The following TBC1D22A variants were observed in gnomAD, a reference collection of about 807,000 sequenced individuals.
TBC1D22A encodes the protein TBC1 domain family member 22A, also known as putative GTPase activator.
Under a neutral mutation model 60.2 loss-of-function variants are expected in TBC1D22A, and 38 were observed. The ratio of observed to expected loss-of-function variants is 0.63; its 90% CI spans 0.49 to 0.83. TBC1D22A has a LOEUF of 0.83. Ranked by LOEUF, TBC1D22A falls within the 40% of genes least tolerant of loss-of-function variation. The pLI is 0.00. For synonymous variants in TBC1D22A, 302 were observed against 281.7 expected, an observed-to-expected ratio of 1.07 and a Z score of -0.72; for missense variants, 628 against 701.0, an observed-to-expected ratio of 0.90 and a Z score of 1.18.
rs200451920 is a variant in TBC1D22A at position 46,904,228 on chromosome 22, A to AT, written c.901-7845dup. ...CTCAATGCGGTTTTTTGAAAAAAGA[A>AT]TAAAAAAAAAGGTACGATTATTTGA... On this transcript the variant is annotated intron_variant, in intron 7 of 12. Transcript: ENST00000337137. Among the ~76,000 whole-genome samples, 1,064 of 119,344 alleles carry AT rather than the reference A, an allele frequency of 8.9e-3. 20 individuals carry two copies. Among genetic ancestry groups the AT allele is most frequent in the African/African-American group, 0.048 (1,013 of 21,264 alleles). 78.3% of individuals were successfully genotyped at this position (119,344 alleles called of 152,430 possible). A position where few individuals can be genotyped will look rare whatever the true frequency, so the allele number is the denominator to read the frequency against.
intron 12 of TBC1D22A, among the ~76,000 whole-genome samples, chr22:47,140,187 C>G (rs775818271): frequency 2.6e-5 from 4 of 151,870 alleles, no homozygotes; most frequent in Non-Finnish European, 5.9e-5. Context: ...TCACATTGCT[C>G]AGGCTCTGAA....
chr22:46,835,210 T>C (rs1017721552), intron 4 of TBC1D22A, among the ~76,000 whole-genome samples: 4 of 152,166 alleles, frequency 2.6e-5, no homozygotes, highest in Non-Finnish European at 5.9e-5. Context: ...AATGCAAGAC[T>C]TAACATGAAA....
intron 12 of TBC1D22A, among the ~76,000 whole-genome samples, chr22:47,165,430 G>T (rs1178171867): frequency 6.6e-6 from 1 of 152,180 alleles, no homozygotes; most frequent in African/African-American, 2.4e-5. Context: ...CTCGCCTGGG[G>T]GTGGCTCCCC....
intron 10 of TBC1D22A, among the ~76,000 whole-genome samples, chr22:47,007,801 G>A (rs1012765253): frequency 1.3e-5 from 2 of 152,102 alleles, no homozygotes; most frequent in African/African-American, 2.4e-5. Flanking sequence ...CCTCACAATC[G>A]CATTTAATCT....
chr22:46,786,666 A>G (rs945118421), intron 1 of TBC1D22A, among the ~76,000 whole-genome samples: 2 of 152,092 alleles, frequency 1.3e-5, no homozygotes, highest in East Asian at 3.9e-4. Context: ...TAGTGTTTTG[A>G]TTACTAATTT....
At chr22:46,771,950 T>TA (rs2083492969) in intron 1 of TBC1D22A, among the ~76,000 whole-genome samples, 1 of 152,040 alleles carries the variant, frequency 6.6e-6, no homozygotes, top group Non-Finnish European at 1.5e-5. Flanking sequence ...ATTCCTGAGT[T>TA]ACTTTACCCA....
chr22:47,037,047 G>C (rs753756019), intron 10 of TBC1D22A, 24 bp from the exon 11 acceptor site: 4 of 1,612,566 alleles, frequency 2.5e-6, no homozygotes, highest in Non-Finnish European at 3.4e-6. Flanking sequence ...TGACAGCCTT[G>C]GGGCCTGTGT....
rs2083874945 is a variant in TBC1D22A, at chr22:46,780,096, T to G, written c.63-12424T>G. ...TACTTCTGAATATATTTTATAAATC[T>G]GGGGAGTATCACCATGTGTTAGAAT... On this transcript the variant is annotated intron_variant, in intron 1 of 12. Coordinates refer to ENST00000337137, the MANE Select transcript of TBC1D22A (RefSeq NM_014346.5). Among the ~76,000 whole-genome samples the G allele has an allele frequency of 2.0e-5, 3 of 152,254 alleles. No individual in the cohort carries two copies. In the South Asian group the frequency reaches 6.2e-4, roughly 31 times the overall value.
intron 11 of TBC1D22A, among the ~76,000 whole-genome samples, chr22:47,076,804 A>G (rs1482016282): frequency 2.0e-5 from 3 of 151,950 alleles, no homozygotes; most frequent in Admixed American, 6.5e-5. Context: ...AAAGAATATC[A>G]TCTCCCTGTG....
At chr22:46,974,529 T>A (rs1840135101) in intron 9 of TBC1D22A, 130 bp downstream of exon 9, 1 of 748,052 alleles carries the variant, frequency 1.3e-6, no homozygotes, top group Non-Finnish European at 2.3e-6. Context: ...CTTTTCTACA[T>A]CTGGAATAGC....
At chr22:46,876,029 G>A (rs1043617967) in intron 4 of TBC1D22A, among the ~76,000 whole-genome samples, 2 of 152,200 alleles carry the variant, frequency 1.3e-5, no homozygotes, top group Non-Finnish European at 2.9e-5. Flanking sequence ...CATCTTAGAT[G>A]TGGCAGGTCT....
chr22:46,826,945 GTTTTTT>G (rs985060370), intron 4 of TBC1D22A, among the ~76,000 whole-genome samples: 3 of 144,284 alleles, frequency 2.1e-5, no homozygotes, highest in Admixed American at 1.4e-4. Flanking sequence ...TTTAGTTTCC[GTTTTTT>G]TTTTTTTGAA....
At chr22:47,161,663 C>T (rs1195899936) in intron 12 of TBC1D22A, among the ~76,000 whole-genome samples, 2 of 152,206 alleles carry the variant, frequency 1.3e-5, no homozygotes, top group Non-Finnish European at 2.9e-5. Flanking sequence ...GGCTGAGTGT[C>T]TCGTCTTGGG....
At chr22:46,958,640 G>A (rs938291564) in intron 8 of TBC1D22A, among the ~76,000 whole-genome samples, 1 of 152,206 alleles carries the variant, frequency 6.6e-6, no homozygotes, top group Admixed American at 6.5e-5. Context: ...TTTGTAGCAG[G>A]GCGTCTCTAG....
chr22:46,796,965 T>C (rs1377139537), intron 3 of TBC1D22A, among the ~76,000 whole-genome samples: 1 of 152,226 alleles, frequency 6.6e-6, no homozygotes, highest in African/African-American at 2.4e-5. Flanking sequence ...CGCAGCGCCC[T>C]GGTTCCTGCT....
In TBC1D22A at chr22:46,836,474, C is replaced by T. The variant is rs547550913; in HGVS notation, c.637+38854C>T. Among the ~76,000 whole-genome samples the T allele has an allele frequency of 6.6e-5, 10 of 151,434 alleles. No homozygotes were observed. In the South Asian group the frequency reaches 1.9e-3, roughly 28 times the overall value. On this transcript the variant is annotated intron_variant, in intron 4 of 12. Coordinates refer to ENST00000337137, the MANE Select transcript of TBC1D22A (RefSeq NM_014346.5). The stretch of plus-strand genomic sequence containing the variant: ...ATGGTAACCACAAAGAAAAAACATA[C>T]AGTTGATATGGAAAATATAAAGAGA...
At chr22:47,052,176 G>A (rs2063247142) in intron 11 of TBC1D22A, among the ~76,000 whole-genome samples, 1 of 152,376 alleles carries the variant, frequency 6.6e-6, no homozygotes, top group Non-Finnish European at 1.5e-5. Flanking sequence ...TGGAGTTAGA[G>A]TGGGATGTTT....
chr22:46,964,448 C>T (rs1248465379), intron 8 of TBC1D22A, among the ~76,000 whole-genome samples: 2 of 151,994 alleles, frequency 1.3e-5, no homozygotes, highest in East Asian at 1.9e-4. Context: ...AAGGGAGGCC[C>T]GTATATTCTT....
intron 12 of TBC1D22A, among the ~76,000 whole-genome samples, chr22:47,160,512 C>T (rs1239719009): frequency 2.0e-5 from 3 of 152,316 alleles, no homozygotes; most frequent in Non-Finnish European, 2.9e-5. Flanking sequence ...CTGCAGGCCA[C>T]GTGGACACCT....
Sources: gnomAD v4.1 joint callset for allele counts (sites outside exome capture counted in the v4.1 genomes callset) on GRCh38, gnomAD v4.1.1 for gene constraint, MANE v1.5 for transcripts, NCBI Gene and HGNC (gene_info 2026-07-23, HGNC 2026-07-21) for gene names.